Variants in ATRNL1 observed in about 807,000 individuals in gnomAD.
ATRNL1 encodes attractin like 1.
Under a neutral mutation model 182.7 loss-of-function variants are expected in ATRNL1, and 95 were observed. The observed-to-expected ratio is 0.52, with a 90% CI of 0.44 to 0.62. The LOEUF is 0.62. Ranked by LOEUF, ATRNL1 falls within the 20% of genes least tolerant of loss-of-function variation. The pLI, the probability that ATRNL1 is intolerant of heterozygous loss-of-function variation, is 0.00. For synonymous variants in ATRNL1, 576 were observed against 568.3 expected, an observed-to-expected ratio of 1.01 and a Z score of -0.19; for missense variants, 1,471 against 1,679.5, an observed-to-expected ratio of 0.88 and a Z score of 2.17.
chr10:115,281,386 G>C lies in ATRNL1; in HGVS notation c.2132G>C (p.Arg711Thr). 6.2e-7 allele frequency: 1 copy of C among 1,613,148 alleles called. No homozygotes were observed. The change falls in exon 14 of 29, where the codon AGA becomes ACA. Residue 711 changes from arginine (R) to threonine (T), a missense_variant. Physicochemically the swap from Arg to Thr is moderately conservative, Grantham distance 71. Transcript: ENST00000355044. Reference sequence around the variant, plus strand: ...AAGAACTACACCAAATGTCATGTGAGAAATGAGCAGATTTGTAACAAACTT... The same window carrying C: ...AAGAACTACACCAAATGTCATGTGACAAATGAGCAGATTTGTAACAAACTT... The part of the protein sequence containing the change: ...SVKNYTKCHV[R>T]NEQICNKLTS...
Position 115,638,297 on chromosome 10 carries a change from A to G in ATRNL1, c.3795+88761A>G, listed in dbSNP as rs1859021316. Among the ~76,000 whole-genome samples, 4 of 152,208 alleles carry G rather than the reference A, an allele frequency of 2.6e-5. No homozygotes were observed. In the South Asian group the frequency reaches 8.3e-4, roughly 32 times the overall value. ...TACAGTTTGTAACCTAGGAGCAATA[A>G]GCTGTGCTATATAGCCTAATATACT... is the stretch of plus-strand genomic sequence containing the variant. On this transcript the variant is annotated intron_variant, in intron 26 of 28. Transcript: ENST00000355044.
intron 26 of ATRNL1, among the ~76,000 whole-genome samples, chr10:115,549,852 C>T (rs1468946109): frequency 6.6e-6 from 1 of 151,856 alleles, no homozygotes; most frequent in Non-Finnish European, 1.5e-5. Flanking sequence ...GCTATAAAGA[C>T]ATACTTTATT....
intron 26 of ATRNL1, among the ~76,000 whole-genome samples, chr10:115,595,109 T>C (rs1171735431): frequency 6.6e-6 from 1 of 152,174 alleles, no homozygotes; most frequent in Non-Finnish European, 1.5e-5. Flanking sequence ...GAAGATCCAC[T>C]AAGTCTCCTC....
In ATRNL1 at chr10:115,944,920, A is replaced by G; in HGVS notation, c.*141A>G. On this transcript the variant is annotated 3_prime_UTR_variant, in exon 29 of 29. Coordinates refer to ENST00000355044, the MANE Select transcript of ATRNL1 (RefSeq NM_207303.4). ...ACAGTTTCCTTCCAAATGGACAATGACCCAGGTGGCCAAAGAATGTTCATG... is the reference window on the plus strand; with the variant it reads ...ACAGTTTCCTTCCAAATGGACAATGGCCCAGGTGGCCAAAGAATGTTCATG... The G allele has an allele frequency of 1.0e-6, 1 of 1,002,810 alleles. No homozygotes were observed. The highest frequency in any genetic ancestry group is 1.4e-6 in the Non-Finnish European group (1 of 737,504). 62.1% of individuals were successfully genotyped at this position (1,002,810 alleles called of 1,614,324 possible).
chr10:115,198,720 A>G (rs758137261), intron 8 of ATRNL1, among the ~76,000 whole-genome samples: 1 of 152,052 alleles, frequency 6.6e-6, no homozygotes, highest in African/African-American at 2.4e-5. Context: ...ATTCTTCTGC[A>G]TGTGGATATC....
rs113177726 is a variant in ATRNL1, at chr10:115,803,158, A to G, written c.3904-44719A>G. On this transcript the variant is annotated intron_variant, in intron 27 of 28. Transcript: ENST00000355044. ...AAGGCAAAATGCTGCAGCTGAAAGT[A>G]TTTTTAATGACTTGAAATTGCTTGG... 1.5e-3 allele frequency among the ~76,000 whole-genome samples: 229 copies of G among 152,176 alleles called. 1 individual carries two copies. The highest frequency in any genetic ancestry group is 1.4e-3 in the Non-Finnish European group (93 of 68,018).
At chr10:115,521,192 G>C (rs1850913313) in intron 25 of ATRNL1, among the ~76,000 whole-genome samples, 1 of 90,804 alleles carries the variant, frequency 1.1e-5, no homozygotes, top group Non-Finnish European at 2.4e-5. Context: ...GTCTCACCCT[G>C]TCACCCAGGC....
chr10:115,499,582 C>CAT (rs1189572967), intron 24 of ATRNL1, among the ~76,000 whole-genome samples: 2 of 152,084 alleles, frequency 1.3e-5, no homozygotes, highest in Non-Finnish European at 2.9e-5. Context: ...AAGACATTAA[C>CAT]ATATGTAAGA....
At chr10:115,783,842 G>A (rs543880026) in intron 27 of ATRNL1, among the ~76,000 whole-genome samples, 56 of 152,152 alleles carry the variant, frequency 3.7e-4, no homozygotes, top group African/African-American at 1.3e-3. Context: ...GTGTAACCCC[G>A]TCTCTACTAA....
chr10:115,325,637 T>C (rs1237840421), intron 18 of ATRNL1, among the ~76,000 whole-genome samples: 1 of 152,210 alleles, frequency 6.6e-6, no homozygotes, highest in South Asian at 2.1e-4. Context: ...ACCAGTGATA[T>C]GCTTCTTGAC....
chr10:115,354,783 G>A (rs1257036558), intron 19 of ATRNL1, among the ~76,000 whole-genome samples: 4 of 151,802 alleles, frequency 2.6e-5, no homozygotes, highest in Non-Finnish European at 2.9e-5. Context: ...TTTCTACCCC[G>A]GTCTTTTTCT....
chr10:115,555,452 A>C (rs1853259288), intron 26 of ATRNL1, among the ~76,000 whole-genome samples: 1 of 151,924 alleles, frequency 6.6e-6, no homozygotes, highest in Admixed American at 6.6e-5. Context: ...CATATCATTC[A>C]AAAAGATTCG....
In ATRNL1 at chr10:115,467,095, A is replaced by G. The variant is rs532685811; in HGVS notation, c.3418-79A>G. 127 of 773,338 alleles carry G rather than the reference A, an allele frequency of 1.6e-4. 1 individual carries two copies. The South Asian group carries it at 1.9e-3, about 12-fold the overall frequency. The allele number at this position is 773,338 out of a possible 1,614,324, so 47.9% of individuals were successfully genotyped here. ...ATAGAGTTTAAGGAATAAAACAGAC[A>G]TAATTAAATCAGTAGACTAAATCAT... On this transcript the variant is annotated intron_variant, in intron 22 of 28. Transcript: ENST00000355044.
intron 28 of ATRNL1, among the ~76,000 whole-genome samples, chr10:115,868,868 C>T (rs1252258390): frequency 1.2e-4 from 13 of 112,764 alleles, no homozygotes; most frequent in Non-Finnish European, 2.3e-4. Flanking sequence ...CTCGCTCTGT[C>T]GCCCAGGCTG....
chr10:115,807,607 C>T (rs1949950904), intron 27 of ATRNL1, among the ~76,000 whole-genome samples: 1 of 152,174 alleles, frequency 6.6e-6, no homozygotes, highest in Admixed American at 6.5e-5. Context: ...GCACCTCAAC[C>T]ACATTGAAAG....
At chr10:115,410,053 TC>T (rs1163758021) in intron 20 of ATRNL1, among the ~76,000 whole-genome samples, 5 of 152,300 alleles carry the variant, frequency 3.3e-5, no homozygotes, top group South Asian at 2.1e-4. Flanking sequence ...TGTTGAACCA[TC>T]CTTACATTCC....
intron 18 of ATRNL1, among the ~76,000 whole-genome samples, chr10:115,324,023 C>A (rs570871858): frequency 9.9e-5 from 15 of 151,994 alleles, no homozygotes; most frequent in Non-Finnish European, 1.9e-4. Context: ...GTGATCTGCC[C>A]GCCTTGGCCT....
At chr10:115,246,215 C>T (rs1323387650) in intron 10 of ATRNL1, among the ~76,000 whole-genome samples, 1 of 151,938 alleles carries the variant, frequency 6.6e-6, no homozygotes, top group Non-Finnish European at 1.5e-5. Context: ...TGTGATTTAC[C>T]ATGGTTAAAC....
intron 27 of ATRNL1, among the ~76,000 whole-genome samples, chr10:115,795,025 G>A (rs1555082564): frequency 6.6e-6 from 1 of 151,932 alleles, no homozygotes; most frequent in African/African-American, 2.4e-5. Flanking sequence ...TATTCTTTGA[G>A]CATTTCTTTA....
Sources: allele counts gnomAD v4.1 joint callset (sites outside exome capture counted in the v4.1 genomes callset), GRCh38; gene constraint gnomAD v4.1.1; transcripts MANE v1.5; gene names NCBI Gene and HGNC (gene_info 2026-07-23, HGNC 2026-07-21).